The following NCAM2 variants were observed in gnomAD, a reference collection of about 807,000 sequenced individuals.
NCAM2 encodes neural cell adhesion molecule 2.
Under a neutral mutation model 98.1 loss-of-function variants are expected in NCAM2, and 30 were observed. The ratio of observed to expected loss-of-function variants is 0.31; its 90% confidence interval spans 0.23 to 0.41. The LOEUF (loss-of-function observed/expected upper bound fraction) is 0.41, where lower values mean the gene tolerates loss of function less well. Ranked by LOEUF, NCAM2 falls within the 10% of genes least tolerant of loss-of-function variation. NCAM2 has a pLI of 1.00. For missense variants in NCAM2, 867 were observed against 1,005.8 expected (o/e 0.86, Z 1.87); for synonymous variants, 368 against 342.4 (o/e 1.07, Z -0.83).
At chr21:21,091,467 T>A (rs1362910991) in intron 1 of NCAM2, among the ~76,000 whole-genome samples, 1 of 152,150 alleles carries the variant, frequency 6.6e-6, no homozygotes, top group Non-Finnish European at 1.5e-5. Flanking sequence ...GATTTTTTAA[T>A]ACATATGTAT....
At chr21:21,027,506 G>A (rs2064576146) in intron 1 of NCAM2, among the ~76,000 whole-genome samples, 1 of 152,164 alleles carries the variant, frequency 6.6e-6, no homozygotes, top group Non-Finnish European at 1.5e-5. Flanking sequence ...TTGTAAACAT[G>A]AGGTAATACT....
intron 1 of NCAM2, among the ~76,000 whole-genome samples, chr21:21,185,725 T>C (rs1341149382): frequency 6.6e-6 from 1 of 152,184 alleles, no homozygotes; most frequent in African/African-American, 2.4e-5. Context: ...ACTATGTGAC[T>C]GCCAATCAGT....
At chr21:21,373,754 T>G in intron 8 of NCAM2, 109 bp from the exon 9 acceptor site, 1 of 1,026,740 alleles carries the variant, frequency 9.7e-7, no homozygotes, top group South Asian at 2.3e-5. Context: ...ACAGTTTCTT[T>G]TTTCTTTTTG....
intron 1 of NCAM2, among the ~76,000 whole-genome samples, chr21:21,075,951 G>A (rs752284618): frequency 8.6e-5 from 13 of 151,392 alleles, no homozygotes; most frequent in Non-Finnish European, 1.3e-4. Flanking sequence ...ACCCCGTCTC[G>A]ACTAAAAATA....
chr21:21,384,640 A>G (rs1315447817), intron 9 of NCAM2, among the ~76,000 whole-genome samples: 1 of 151,990 alleles, frequency 6.6e-6, no homozygotes, highest in East Asian at 1.9e-4. Flanking sequence ...TTGTAGATAC[A>G]AGATTATTAC....
chr21:21,385,322 A>G (rs1439053786), intron 9 of NCAM2, among the ~76,000 whole-genome samples: 1 of 151,554 alleles, frequency 6.6e-6, no homozygotes. Context: ...CATCATGGCC[A>G]TCAAAGTTGT....
chr21:21,374,100 G>A, intron 9 of NCAM2, 87 bp downstream of exon 9: 1 of 1,302,206 alleles, frequency 7.7e-7, no homozygotes, highest in South Asian at 1.4e-5. Context: ...AAATATATAT[G>A]TAGTTCACAT....
intron 1 of NCAM2, among the ~76,000 whole-genome samples, chr21:21,006,514 A>G (rs886277847): frequency 6.6e-6 from 1 of 152,184 alleles, no homozygotes; most frequent in Non-Finnish European, 1.5e-5. Context: ...ATCTCAAAAA[A>G]GAAAATGAAA....
In NCAM2 at chr21:21,534,636, C is replaced by T; in HGVS notation, c.2382C>T (p.Thr794=). The change falls in exon 17 of 18, where the codon ACC becomes ACT. Residue 794 remains threonine (T), a synonymous_variant. Transcript: ENST00000400546. The stretch of plus-strand genomic sequence containing the variant: ...GCCCAGTAAATGAGCCAAATGAAAC[C>T]ACACCACTGACAGAACCTGAGTATG... ...DGSPVNEPNE[T]TPLTEPEKLP... is the part of the protein sequence containing the mutation. 1 of 1,610,284 alleles carries T rather than the reference C, an allele frequency of 6.2e-7. No individual in the cohort carries two copies. The highest frequency in any genetic ancestry group is 8.5e-7 in the Non-Finnish European group (1 of 1,178,222).
At chr21:21,331,538 C>CTATATATATA (rs1568942351) in intron 6 of NCAM2, among the ~76,000 whole-genome samples, 2 of 1,514 alleles carry the variant, frequency 1.3e-3, no homozygotes, top group African/African-American at 2.6e-3. Context: ...TATATATACT[C>CTATATATATA]TATATACATA....
At chr21:21,258,056 T>C (rs1384998535) in intron 1 of NCAM2, among the ~76,000 whole-genome samples, 2 of 152,334 alleles carry the variant, frequency 1.3e-5, no homozygotes, top group African/African-American at 2.4e-5. Context: ...GTAAAGGGAC[T>C]GATTGATGAA....
intron 15 of NCAM2, among the ~76,000 whole-genome samples, chr21:21,506,048 T>C (rs923233270): frequency 1.3e-5 from 2 of 152,050 alleles, no homozygotes; most frequent in Non-Finnish European, 2.9e-5. Context: ...AGAATCTTCA[T>C]ACTTAGGAAA....
chr21:21,322,627 G>GAA (rs2074405434), intron 5 of NCAM2, among the ~76,000 whole-genome samples: 3 of 152,132 alleles, frequency 2.0e-5, no homozygotes, highest in Non-Finnish European at 4.4e-5. Context: ...AGTGGAGTTA[G>GAA]TTTTCCTTGG....
intron 1 of NCAM2, among the ~76,000 whole-genome samples, chr21:21,020,103 C>G (rs1040256279): frequency 2.4e-4 from 36 of 152,142 alleles, no homozygotes; most frequent in African/African-American, 8.7e-4. Context: ...GTGGCGTGAT[C>G]TAAGTTCACT....
intron 15 of NCAM2, among the ~76,000 whole-genome samples, chr21:21,488,912 T>A (rs918367592): frequency 6.6e-6 from 1 of 152,144 alleles, no homozygotes; most frequent in Non-Finnish European, 1.5e-5. Flanking sequence ...GTGTAAGAGA[T>A]AATGTAACAT....
At chr21:21,157,664 A>T (rs2067656623) in intron 1 of NCAM2, among the ~76,000 whole-genome samples, 1 of 151,570 alleles carries the variant, frequency 6.6e-6, no homozygotes, top group Admixed American at 6.6e-5. Context: ...ATCTGCATTT[A>T]AAAAAAAACT....
At chr21:21,374,091 A>G in intron 9 of NCAM2, 78 bp downstream of exon 9, 2 of 1,380,140 alleles carry the variant, frequency 1.4e-6, no homozygotes, top group Non-Finnish European at 2.0e-6. Context: ...TAAAGACCAA[A>G]ATATATATGT....
intron 1 of NCAM2, among the ~76,000 whole-genome samples, chr21:21,199,475 C>G (rs752573171): frequency 8.5e-5 from 13 of 152,144 alleles, no homozygotes; most frequent in Non-Finnish European, 1.6e-4. Flanking sequence ...GCTTAGCATC[C>G]AGGCCCAAGG....
At chr21:21,435,463 T>C (rs1978299630) in intron 12 of NCAM2, among the ~76,000 whole-genome samples, 2 of 152,246 alleles carry the variant, frequency 1.3e-5, no homozygotes, top group Admixed American at 1.3e-4. Flanking sequence ...CTTACTAGTT[T>C]CATCAGTGGA....
Sources: gnomAD v4.1 joint callset for allele counts (sites outside exome capture counted in the v4.1 genomes callset) on GRCh38, gnomAD v4.1.1 for gene constraint, MANE v1.5 for transcripts, NCBI Gene and HGNC (gene_info 2026-07-23, HGNC 2026-07-21) for gene names.